RARB: variants seen among roughly 807,000 people sequenced by gnomAD.
RARB encodes the protein HBV-activated protein.
Under a neutral mutation model 51.9 loss-of-function variants are expected in RARB, and 17 were observed. The ratio of observed to expected loss-of-function variants is 0.33; its 90% CI spans 0.22 to 0.49. The LOEUF (loss-of-function observed/expected upper bound fraction) is 0.49, where lower values mean the gene tolerates loss of function less well. RARB is among the 20% of genes least tolerant of loss of function. RARB has a pLI of 0.99. For synonymous variants in RARB, 215 were observed against 195.4 expected, an observed-to-expected ratio of 1.10 and a Z score of -0.84; for missense variants, 369 against 550.8, an observed-to-expected ratio of 0.67 and a Z score of 3.30.
At chr3:25,595,587 T>C (rs1575552183) in intron 7 of RARB, among the ~76,000 whole-genome samples, 1 of 152,224 alleles carries the variant, frequency 6.6e-6, no homozygotes, top group East Asian at 1.9e-4. Flanking sequence ...TCTGTATAGA[T>C]GACTAGACTA....
intron 5 of RARB, among the ~76,000 whole-genome samples, chr3:25,245,230 C>T (rs906639331): frequency 5.9e-5 from 9 of 152,062 alleles, no homozygotes; most frequent in African/African-American, 2.2e-4. Context: ...CTGAATACAC[C>T]ACACAGATGG....
rs927662573 is a variant in RARB at position 25,528,082 on chromosome 3, G to C, written c.448+26759G>C. Among the ~76,000 whole-genome samples, 19 of 152,308 alleles carry C rather than the reference G, an allele frequency of 1.2e-4. No homozygotes were observed. In the East Asian group the frequency reaches 2.3e-3, roughly 19 times the overall value. On this transcript the variant is annotated intron_variant, in intron 3 of 7. Coordinates refer to ENST00000330688, the MANE Select transcript of RARB (RefSeq NM_000965.5). Reference sequence around the variant, plus strand: ...CTAATTGGTAATGTCTGCGGAGTTGGCACCAGGAGAAAAGAAAGTAAAGAG... The same window carrying C: ...CTAATTGGTAATGTCTGCGGAGTTGCCACCAGGAGAAAAGAAAGTAAAGAG...
chr3:24,882,003 T>G (rs1703176209), intron 2 of RARB, among the ~76,000 whole-genome samples: 1 of 152,168 alleles, frequency 6.6e-6, no homozygotes, highest in African/African-American at 2.4e-5. Context: ...CAGCTATAGA[T>G]TATATGAATA....
At chr3:25,254,850 A>G (rs998624063) in intron 5 of RARB, among the ~76,000 whole-genome samples, 1 of 152,020 alleles carries the variant, frequency 6.6e-6, no homozygotes, top group African/African-American at 2.4e-5. Context: ...GACAACTTAC[A>G]TGTTGCTATC....
intron 2 of RARB, among the ~76,000 whole-genome samples, chr3:25,041,292 T>C (rs1004748094): frequency 1.3e-5 from 2 of 152,212 alleles, no homozygotes; most frequent in Non-Finnish European, 2.9e-5. Flanking sequence ...GTTCTATATT[T>C]GATGAATTTT....
rs748895514 is a variant in RARB at position 24,971,598 on chromosome 3, A to G, written c.-379-88527A>G. The stretch of plus-strand genomic sequence containing the variant: ...GTTTTTAAAAGAGTGCTGTTTTAGA[A>G]GAGACATTGGTAGCCTTCTAAAAAA... On this transcript the variant is annotated intron_variant, in intron 2 of 11. Coordinates refer to the RARB transcript ENST00000383772. Among the ~76,000 whole-genome samples the G allele has an allele frequency of 4.7e-4, 72 of 152,058 alleles. 1 individual carries two copies. Among genetic ancestry groups the G allele is most frequent in the Admixed American group, 3.3e-4 (5 of 15,246 alleles).
intron 5 of RARB, among the ~76,000 whole-genome samples, chr3:25,280,413 G>A (rs533973825): frequency 6.6e-6 from 1 of 152,132 alleles, no homozygotes; most frequent in Non-Finnish European, 1.5e-5. Context: ...AAATGCCAAG[G>A]TGCCATAATT....
chr3:24,940,933 C>T (rs1695652612), intron 2 of RARB, among the ~76,000 whole-genome samples: 1 of 152,098 alleles, frequency 6.6e-6, no homozygotes, highest in Admixed American at 6.6e-5. Context: ...GAGAGATAGT[C>T]AGTGAGGTAA....
At chr3:25,392,786 T>C (rs762449780) in intron 5 of RARB, among the ~76,000 whole-genome samples, 1 of 152,176 alleles carries the variant, frequency 6.6e-6, no homozygotes, top group Non-Finnish European at 1.5e-5. Flanking sequence ...AGGAGCTTTT[T>C]GGATGAGTCT....
chr3:25,582,055 G>A (rs1349791029), intron 5 of RARB, among the ~76,000 whole-genome samples: 1 of 152,106 alleles, frequency 6.6e-6, no homozygotes, highest in South Asian at 2.1e-4. Context: ...GGCCTAACAG[G>A]ATGTAAAAGA....
chr3:25,300,196 A>C (rs972841933), intron 5 of RARB, among the ~76,000 whole-genome samples: 1 of 152,226 alleles, frequency 6.6e-6, no homozygotes, highest in African/African-American at 2.4e-5. Flanking sequence ...TTATATGACA[A>C]AACATGACAC....
chr3:25,224,317 G>A (rs1408956163), intron 5 of RARB, among the ~76,000 whole-genome samples: 2 of 152,128 alleles, frequency 1.3e-5, no homozygotes, highest in Non-Finnish European at 2.9e-5. Context: ...TTAACATGTT[G>A]AGTGATACTT....
intron 4 of RARB, among the ~76,000 whole-genome samples, chr3:25,576,397 G>T (rs764991094): frequency 5.3e-5 from 8 of 152,194 alleles, no homozygotes; most frequent in Non-Finnish European, 1.2e-4. Context: ...CCTTCCAGCA[G>T]CTGGGACCAC....
At chr3:24,892,390 T>C (rs1206059072) in intron 2 of RARB, among the ~76,000 whole-genome samples, 1 of 152,046 alleles carries the variant, frequency 6.6e-6, no homozygotes, top group Admixed American at 6.6e-5. Flanking sequence ...CTTAGTCCAG[T>C]TGATGGTATA....
At chr3:24,857,252 G>A (rs751958287) in intron 1 of RARB, among the ~76,000 whole-genome samples, 22 of 152,144 alleles carry the variant, frequency 1.4e-4, no homozygotes, top group Non-Finnish European at 2.4e-4. Context: ...TCAGATGGGA[G>A]AACTGAGAGT....
intron 3 of RARB, among the ~76,000 whole-genome samples, chr3:25,100,523 C>A (rs1235218481): frequency 2.6e-5 from 4 of 152,180 alleles, no homozygotes; most frequent in Admixed American, 2.0e-4. Flanking sequence ...AGCCAGAGAT[C>A]TGGTTCCTAA....
chr3:24,929,064 T>C (rs908191451), intron 2 of RARB, among the ~76,000 whole-genome samples: 6 of 152,060 alleles, frequency 3.9e-5, no homozygotes, highest in African/African-American at 1.4e-4. Context: ...AGAAAAGATA[T>C]CATGTAAAAG....
Position 25,172,412 on chromosome 3 carries a change from A to T in RARB, c.-279-1707A>T, listed in dbSNP as rs534146307. ...GAGACCTACTCTTCTCATCTGGAAA[A>T]TAAAAAATATCTGCCTTAAAAAGGG... On this transcript the variant is annotated intron_variant, in intron 4 of 11. Transcript: ENST00000383772. Among the ~76,000 whole-genome samples, 7 of 152,366 alleles carry T rather than the reference A, an allele frequency of 4.6e-5. No homozygotes were observed. In the East Asian group the frequency reaches 1.2e-3, roughly 25 times the overall value.
intron 2 of RARB, among the ~76,000 whole-genome samples, chr3:25,053,308 A>T (rs1433670296): frequency 6.6e-6 from 1 of 152,142 alleles, no homozygotes; most frequent in Non-Finnish European, 1.5e-5. Flanking sequence ...TCTGCCTTGT[A>T]TCATACATGG....
Sources: allele counts gnomAD v4.1 joint callset (sites outside exome capture counted in the v4.1 genomes callset), GRCh38; gene constraint gnomAD v4.1.1; transcripts MANE v1.5; gene names NCBI Gene and HGNC (gene_info 2026-07-23, HGNC 2026-07-21).